CYP39A1: variants seen among roughly 807,000 people sequenced by gnomAD.
CYP39A1 encodes the protein 24-hydroxycholesterol 7-alpha-hydroxylase.
A neutral mutation model predicts 58.1 loss-of-function variants in CYP39A1; 49 were observed. The ratio of observed to expected loss-of-function variants is 0.84; its 90% CI spans 0.67 to 1.07. The LOEUF (loss-of-function observed/expected upper bound fraction) is 1.07, where lower values mean the gene tolerates loss of function less well. Among genes scored for constraint, CYP39A1 ranks in the 50% least tolerant of loss-of-function variants. The pLI is 0.00. For synonymous variants in CYP39A1, 209 were observed against 187.6 expected (o/e 1.11, Z -0.93); for missense variants, 531 against 539.4 (o/e 0.98, Z 0.16).
chr6:46,607,972 C>T (rs1164558413), intron 7 of CYP39A1, among the ~76,000 whole-genome samples: 1 of 151,958 alleles, frequency 6.6e-6, no homozygotes, highest in African/African-American at 2.4e-5. Flanking sequence ...GAAGTGTGTG[C>T]AAAAGATCAT....
intron 10 of CYP39A1, among the ~76,000 whole-genome samples, chr6:46,557,214 C>G (rs779490188): frequency 5.9e-5 from 9 of 151,816 alleles, no homozygotes; most frequent in Non-Finnish European, 1.3e-4. Context: ...ATAACGAAGT[C>G]TAACATACAT....
Position 46,609,574 on chromosome 6 carries a change from G to A in CYP39A1, c.932-13454C>T, listed in dbSNP as rs180825346. ...TATGTCTTGTTGCCTCAGTCAGAGAGCTCACAGAAACCTCTTGAAAATGAA... is the reference window on the plus strand; with the variant it reads ...TATGTCTTGTTGCCTCAGTCAGAGAACTCACAGAAACCTCTTGAAAATGAA... On this transcript the variant is annotated intron_variant, in intron 7 of 11. Transcript: ENST00000275016. Among the ~76,000 whole-genome samples, 159 of 152,258 alleles carry A rather than the reference G, an allele frequency of 1.0e-3. 2 individuals carry two copies. Among genetic ancestry groups the A allele is most frequent in the Admixed American group, 9.3e-3 (142 of 15,294 alleles).
In CYP39A1 at chr6:46,640,055, G is replaced by A. The variant is rs116782632; in HGVS notation, c.314-387C>T. Among the ~76,000 whole-genome samples, 1,494 of 152,224 alleles carry A rather than the reference G, an allele frequency of 9.8e-3. 24 individuals are homozygous for A. The highest frequency in any genetic ancestry group is 0.034 in the African/African-American group (1,403 of 41,524). On this transcript the variant is annotated intron_variant, in intron 2 of 11. Transcript: ENST00000275016. ...TGAACCCAGGAGTTGGAGTCGCAGTGAGCCAACATCACACCACTGCACTCC... is the reference window on the plus strand; with the variant it reads ...TGAACCCAGGAGTTGGAGTCGCAGTAAGCCAACATCACACCACTGCACTCC...
intron 7 of CYP39A1, among the ~76,000 whole-genome samples, chr6:46,613,579 G>A (rs1332316680): frequency 2.0e-5 from 3 of 152,060 alleles, no homozygotes; most frequent in Non-Finnish European, 2.9e-5. Context: ...TAAAGGCAAA[G>A]TAAAACTGAT....
At chr6:46,584,334 C>T (rs1451621931) in intron 10 of CYP39A1, among the ~76,000 whole-genome samples, 5 of 152,108 alleles carry the variant, frequency 3.3e-5, no homozygotes, top group Non-Finnish European at 5.9e-5. Context: ...ACACACTCTA[C>T]TTTCAAAGGA....
intron 7 of CYP39A1, among the ~76,000 whole-genome samples, chr6:46,617,616 G>A (rs1303647020): frequency 6.6e-6 from 1 of 152,114 alleles, no homozygotes; most frequent in Non-Finnish European, 1.5e-5. Context: ...TTGAAACAAG[G>A]AGATTTGCTG....
chr6:46,561,584 G>A (rs1039278412), intron 10 of CYP39A1, among the ~76,000 whole-genome samples: 1 of 151,992 alleles, frequency 6.6e-6, no homozygotes, highest in Non-Finnish European at 1.5e-5. Context: ...AGGAGGAGCC[G>A]GTTCAAGGGG....
At chr6:46,614,243 C>G (rs9472795) in intron 7 of CYP39A1, among the ~76,000 whole-genome samples, 28,339 of 152,076 alleles carry the variant, frequency 0.19, 2,789 homozygotes, top group African/African-American at 0.25. Flanking sequence ...GCCATTACAT[C>G]TTCTCCTCTT....
At chr6:46,634,941 T>C (rs755235042) in intron 5 of CYP39A1, among the ~76,000 whole-genome samples, 8 of 152,206 alleles carry the variant, frequency 5.3e-5, no homozygotes, top group Non-Finnish European at 7.3e-5. Context: ...TGGAAAATAA[T>C]GCAAAGAACA....
chr6:46,604,859 C>A (rs1007372435), intron 7 of CYP39A1, among the ~76,000 whole-genome samples: 5 of 152,160 alleles, frequency 3.3e-5, no homozygotes, highest in African/African-American at 1.2e-4. Context: ...AACTATTAGA[C>A]ATCAATTTAA....
At chr6:46,574,329 C>T (rs760705640) in intron 10 of CYP39A1, among the ~76,000 whole-genome samples, 1 of 152,082 alleles carries the variant, frequency 6.6e-6, no homozygotes, top group Non-Finnish European at 1.5e-5. Flanking sequence ...TAATCACTAT[C>T]GTAAAGGAGA....
Position 46,636,467 on chromosome 6 carries a change from G to A in CYP39A1, c.654C>T (p.Ser218=). The A allele has an allele frequency of 1.2e-6, 2 of 1,605,646 alleles. No homozygotes were observed. The highest frequency in any genetic ancestry group is 1.1e-5 in the South Asian group (1 of 88,512). ...PECLLRNWSK[S]KKWFLELFEK... ...CAAACAGTTCCAGGAACCACTTTTT[G>A]GATTTTGACCAGTTTCTACATGAGA... Residue 218 remains serine (S), a synonymous_variant, in exon 5 of 12, where the codon TCC becomes TCT. Transcript: ENST00000275016.
chr6:46,568,616 G>C (rs1771417637), intron 10 of CYP39A1, among the ~76,000 whole-genome samples: 1 of 152,028 alleles, frequency 6.6e-6, no homozygotes, highest in Non-Finnish European at 1.5e-5. Flanking sequence ...TAAATATTTA[G>C]TTGTCCCAGC....
chr6:46,624,717 C>T (rs568689176), intron 7 of CYP39A1, among the ~76,000 whole-genome samples: 3 of 152,018 alleles, frequency 2.0e-5, no homozygotes, highest in South Asian at 2.1e-4. Context: ...ATACATAATA[C>T]GACATATTAA....
chr6:46,586,318 T>G, intron 10 of CYP39A1: 1 of 983,966 alleles, frequency 1.0e-6, no homozygotes, highest in Non-Finnish European at 1.2e-6. Flanking sequence ...TTGAGTGAGA[T>G]TTTGTCATAA....
At chr6:46,636,174 TG>T (rs960274293) in intron 5 of CYP39A1, among the ~76,000 whole-genome samples, 3 of 152,182 alleles carry the variant, frequency 2.0e-5, no homozygotes, top group Non-Finnish European at 4.4e-5. Context: ...TTTTGCTCGT[TG>T]TCTCTGGTTT....
chr6:46,630,903 G>GA (rs367893028), intron 6 of CYP39A1, 60 bp downstream of exon 6: 1 of 1,221,350 alleles, frequency 8.2e-7, no homozygotes, highest in Non-Finnish European at 1.2e-6. Flanking sequence ...AGAAATGAAG[G>GA]AAAAAAAGAT....
chr6:46,622,676 G>A (rs940370945), intron 7 of CYP39A1, among the ~76,000 whole-genome samples: 3 of 151,772 alleles, frequency 2.0e-5, no homozygotes, highest in Admixed American at 2.0e-4. Context: ...AAAGGAAGAA[G>A]CAGATAATGA....
intron 1 of CYP39A1, among the ~76,000 whole-genome samples, chr6:46,651,301 C>T (rs1582482634): frequency 6.6e-6 from 1 of 152,234 alleles, no homozygotes; most frequent in South Asian, 2.1e-4. Flanking sequence ...ACCTATAAAC[C>T]CAACTATTGA....
Sources: gnomAD v4.1 joint callset for allele counts (sites outside exome capture counted in the v4.1 genomes callset) on GRCh38, gnomAD v4.1.1 for gene constraint, MANE v1.5 for transcripts, NCBI Gene and HGNC (gene_info 2026-07-23, HGNC 2026-07-21) for gene names.